The following ENKD1 variants were observed in gnomAD, a reference collection of about 807,000 sequenced individuals.
ENKD1 encodes the protein enkurin domain-containing protein 1.
A neutral mutation model predicts 35.8 loss-of-function variants in ENKD1; 39 were observed. The observed-to-expected ratio is 1.09, with a 90% confidence interval of 0.84 to 1.42. The LOEUF is 1.42. Ranked by LOEUF, ENKD1 falls within the 40% of genes most tolerant of loss-of-function variation. ENKD1 has a pLI of 0.00. For missense variants in ENKD1, 474 were observed against 471.3 expected (o/e 1.01, Z -0.05); for synonymous variants, 205 against 198.6 (o/e 1.03, Z -0.27).
At position 67,666,222 on chromosome 16, in the gene ENKD1, C is replaced by T; in HGVS notation, c.129G>A (p.Leu43=). The T allele has an allele frequency of 4.4e-6, 7 of 1,608,302 alleles. No individual in the cohort carries two copies. Among genetic ancestry groups the T allele is most frequent in the Non-Finnish European group, 5.1e-6 (6 of 1,177,080 alleles). ...LEGNALKLDL[L]TSDRALDTTA... ...TGGTGTCCAGGGCCCGGTCGGAAGT[C>T]AGCAAGTCCAGCTTCAGCGCGTTTC... Residue 43 remains leucine (L), a synonymous_variant, in exon 2 of 7, where the codon CTG becomes CTA. Transcript: ENST00000243878.
At chr16:67,664,160 A>AT (rs1485969167) in intron 3 of ENKD1, 98 bp from the exon 4 acceptor site, 1 of 1,112,658 alleles carries the variant, frequency 9.0e-7, no homozygotes, top group Non-Finnish European at 1.3e-6. Flanking sequence ...CTTTGCATCC[A>AT]TGTCCCTCGG....
chr16:67,666,407 G>T lies in ENKD1; in HGVS notation c.36C>A (p.Ile12=), dbSNP rs944910041. 2 of 1,556,890 alleles carry T rather than the reference G, an allele frequency of 1.3e-6. No homozygotes were observed. Among genetic ancestry groups the T allele is most frequent in the East Asian group, 2.4e-5 (1 of 41,662 alleles). The stretch of plus-strand genomic sequence containing the variant: ...CAGGACAGAGCGTCGGGTCTGGGGG[G>T]ATGGGCCCCGAGATGCGGGACGGGC... ...CEGPSRISGP[I]PPDPTLCPDN... The change falls in exon 1 of 7, where the codon ATC becomes ATA. Residue 12 remains isoleucine (I), a synonymous_variant. Transcript: ENST00000243878.
At position 67,666,382 on chromosome 16, in the gene ENKD1, C is replaced by A. The variant is rs1567648239; in HGVS notation, c.61G>T (p.Asp21Tyr). The A allele has an allele frequency of 1.9e-6, 3 of 1,576,170 alleles. No individual in the cohort carries two copies. The East Asian group carries it at 7.0e-5, about 37-fold the overall frequency. ...PIPPDPTLCP[D>Y]NYRRPTSAQG... ...CCCGAGGTCGGCCGCCTGTAGTTGTCAGGACAGAGCGTCGGGTCTGGGGGG... is the reference window on the plus strand; with the variant it reads ...CCCGAGGTCGGCCGCCTGTAGTTGTAAGGACAGAGCGTCGGGTCTGGGGGG... The change falls in exon 1 of 7, where the codon GAC becomes TAC. Residue 21 changes from aspartate (D) to tyrosine (Y), a missense_variant. By Grantham distance (160) the Asp-to-Tyr change is radical. Transcript: ENST00000243878.
At position 67,663,430 on chromosome 16, in the gene ENKD1, C is replaced by T; in HGVS notation, c.870G>A (p.Lys290=). Residue 290 remains lysine (K), a synonymous_variant, in exon 6 of 7, where the codon AAG becomes AAA. Coordinates refer to ENST00000243878, the MANE Select transcript of ENKD1 (RefSeq NM_032140.3). ...TGCCCAGGTACTCACTCTGGAGCAG[C>T]TTGGTCAGTGTTTCCAGCCGCTGGT... ...PENQRLETLT[K]LLQSQSQLLR... 1 of 1,613,242 alleles carries T rather than the reference C, an allele frequency of 6.2e-7. No homozygotes were observed. The highest frequency in any genetic ancestry group is 1.1e-5 in the South Asian group (1 of 91,066).
chr16:67,664,123 G>C, intron 3 of ENKD1, 61 bp from the exon 4 acceptor site: 1 of 1,480,016 alleles, frequency 6.8e-7, no homozygotes, highest in Non-Finnish European at 9.2e-7. Flanking sequence ...CAAGCTGCAA[G>C]ACCCTGGCCA....
Position 67,666,523 on chromosome 16 carries a change from C to G in ENKD1, c.-81G>C. 2 of 1,285,902 alleles carry G rather than the reference C, an allele frequency of 1.6e-6. 1 individual carries two copies. Among genetic ancestry groups the G allele is most frequent in the Non-Finnish European group, 2.0e-6 (2 of 988,086 alleles). The allele number at this position is 1,285,902 out of a possible 1,614,324, so 79.7% of individuals were successfully genotyped here. A position where few individuals can be genotyped will look rare whatever the true frequency, so the allele number is the denominator to read the frequency against. ...CTCCCCGGGCCCCCTTCCCCAACCC[C>G]GGGCCCCCTCCCTCGCCCGGCACCC... On this transcript the variant is annotated 5_prime_UTR_variant, in exon 1 of 7. Coordinates refer to ENST00000243878, the MANE Select transcript of ENKD1 (RefSeq NM_032140.3).
Position 67,666,243 on chromosome 16 carries a change from G to T in ENKD1, c.108C>A (p.Asn36Lys). 6.2e-7 allele frequency: 1 copy of T among 1,605,562 alleles called. No individual in the cohort carries two copies. Among genetic ancestry groups the T allele is most frequent in the South Asian group, 1.1e-5 (1 of 90,514 alleles). ...PTSAQGRLEG[N>K]ALKLDLLTSD... ...AAGTCAGCAAGTCCAGCTTCAGCGC[G>T]TTTCCCTCGAGGCGCCCTTGAGCTG... Residue 36 changes from asparagine (N) to lysine (K), a missense_variant, in exon 2 of 7, where the codon AAC (asparagine) becomes AAA (lysine). Transcript: ENST00000243878.
rs201543040 is a variant in ENKD1 at position 67,666,030 on chromosome 16, C to A, written c.280+41G>T. ...AGCTGCTTTTGATCTCTTTCCACCC[C>A]GCACTGCCTCTCTGTCCCTTCTTCC... On this transcript the variant is annotated intron_variant, in intron 2 of 6. Coordinates refer to ENST00000243878, the MANE Select transcript of ENKD1 (RefSeq NM_032140.3). 1.8e-3 allele frequency: 2,827 copies of A among 1,592,150 alleles called. 31 individuals are homozygous for A. The highest frequency in any genetic ancestry group is 1.6e-3 in the Admixed American group (92 of 58,208).
rs755878423 is a variant in ENKD1 at position 67,663,247 on chromosome 16, C to T, written c.955G>A (p.Ala319Thr). 17 of 1,613,864 alleles carry T rather than the reference C, an allele frequency of 1.1e-5. No homozygotes were observed. Among genetic ancestry groups the T allele is most frequent in the East Asian group, 8.9e-5 (4 of 44,894 alleles). ...ADSLRAQSHR[A>T]ELDRKLVQVE... ...TGCACCAGCTTCCGGTCCAGCTCAG[C>T]ACGGTGGCTCTGGGCTCTCAGTGAG... The change falls in exon 7 of 7, where the codon GCT becomes ACT. Residue 319 changes from alanine to threonine, a missense_variant. By Grantham distance (58) the Ala-to-Thr change is moderately conservative. Transcript: ENST00000243878.
chr16:67,664,702 C>T (rs930756519), intron 3 of ENKD1, among the ~76,000 whole-genome samples: 2 of 152,194 alleles, frequency 1.3e-5, no homozygotes, highest in African/African-American at 4.8e-5. Flanking sequence ...CTTCTTTCCT[C>T]ACAGTGAACT....
Position 67,666,271 on chromosome 16 carries a change from G to C in ENKD1, c.86-6C>G. 6.3e-7 allele frequency: 1 copy of C among 1,598,988 alleles called. No individual in the cohort carries two copies. The highest frequency in any genetic ancestry group is 1.1e-5 in the South Asian group (1 of 89,686). The stretch of plus-strand genomic sequence containing the variant: ...TCCCTCGAGGCGCCCTTGAGCTGTG[G>C]GGCGGAGCCGGGCGGAGTCCGGGGC... On this transcript the variant is annotated splice_region_variant and splice_polypyrimidine_tract_variant and intron_variant, in intron 1 of 6. Transcript: ENST00000243878.
chr16:67,665,470 G>A (rs146006569), intron 2 of ENKD1, among the ~76,000 whole-genome samples: 2 of 152,068 alleles, frequency 1.3e-5, no homozygotes, highest in Non-Finnish European at 1.5e-5. Flanking sequence ...CAACCTCCCC[G>A]GCTACCTCAG....
At chr16:67,664,945 G>C (rs2053080366) in intron 3 of ENKD1, 51 bp downstream of exon 3, 1 of 1,548,352 alleles carries the variant, frequency 6.5e-7, no homozygotes, top group Admixed American at 1.9e-5. Flanking sequence ...GGGTACAGTT[G>C]CCTGTTGGCC....
chr16:67,663,729 G>A lies in ENKD1; in HGVS notation c.671C>T (p.Ala224Val). The part of the protein sequence containing the change: ...RRHSCSLQVL[A>V]QVLEQQRQAQ... Reference sequence around the variant, plus strand: ...CTGCCGCTGCTGCTCTAGCACTTGTGCCAGGACCTGCAGTGAGCAGGAATG... The same window carrying A: ...CTGCCGCTGCTGCTCTAGCACTTGTACCAGGACCTGCAGTGAGCAGGAATG... The change falls in exon 5 of 7, where the codon GCA becomes GTA. Residue 224 changes from alanine (A) to valine (V), a missense_variant. Coordinates refer to ENST00000243878, the MANE Select transcript of ENKD1 (RefSeq NM_032140.3). 1.9e-6 allele frequency: 3 copies of A among 1,612,790 alleles called. No homozygotes were observed. The highest frequency in any genetic ancestry group is 2.5e-6 in the Non-Finnish European group (3 of 1,179,468).
At position 67,663,337 on chromosome 16, in the gene ENKD1, G is replaced by A; in HGVS notation, c.881-16C>T. 1.2e-6 allele frequency: 2 copies of A among 1,612,934 alleles called. No individual in the cohort carries two copies. Among genetic ancestry groups the A allele is most frequent in the South Asian group, 1.1e-5 (1 of 91,076 alleles). On this transcript the variant is annotated splice_polypyrimidine_tract_variant and intron_variant, in intron 6 of 6. Coordinates refer to ENST00000243878, the MANE Select transcript of ENKD1 (RefSeq NM_032140.3). ...TGGCTCTGGCCTACAGGGGGCCCGG[G>A]AACAGTGAGAACAGTGAGTGTTGGG...
intron 3 of ENKD1, chr16:67,664,417 A>G (rs890983098): frequency 2.0e-5 from 8 of 390,370 alleles, no homozygotes; most frequent in South Asian, 8.2e-5. Flanking sequence ...CTGATCGTCA[A>G]TAACTCCTAG....
rs377099080 is a variant in ENKD1 at position 67,663,404 on chromosome 16, C to T, written c.880+16G>A. The T allele has an allele frequency of 8.1e-6, 13 of 1,612,352 alleles. No homozygotes were observed. Among genetic ancestry groups the T allele is most frequent in the African/African-American group, 1.3e-5 (1 of 74,932 alleles). On this transcript the variant is annotated intron_variant, in intron 6 of 6. Transcript: ENST00000243878. Reference sequence around the variant, plus strand: ...CCAGTGGGGCCCCCCTCCAGCCTCCCTGCCCAGGTACTCACTCTGGAGCAG... The same window carrying T: ...CCAGTGGGGCCCCCCTCCAGCCTCCTTGCCCAGGTACTCACTCTGGAGCAG...
At chr16:67,665,976 G>T (rs2053095734) in intron 2 of ENKD1, 95 bp downstream of exon 2, 3 of 1,362,778 alleles carry the variant, frequency 2.2e-6, no homozygotes, top group Non-Finnish European at 3.0e-6. Context: ...GAGATGCAAA[G>T]CCTGGGCCCA....
At chr16:67,664,376 C>T (rs916283255) in intron 3 of ENKD1, 49 of 441,876 alleles carry the variant, frequency 1.1e-4, no homozygotes, top group African/African-American at 4.0e-4. Context: ...CAAATCCAGG[C>T]GGTCAATTCC....
Sources: allele counts gnomAD v4.1 joint callset (sites outside exome capture counted in the v4.1 genomes callset), GRCh38; gene constraint gnomAD v4.1.1; transcripts MANE v1.5; gene names NCBI Gene and HGNC (gene_info 2026-07-23, HGNC 2026-07-21).